Variants in SLIT3 observed in about 807,000 individuals in gnomAD.
SLIT3 encodes the protein slit guidance ligand 3, also known as slit homolog 3 protein.
Under a neutral mutation model 184.0 loss-of-function variants are expected in SLIT3, and 68 were observed. The ratio of observed to expected loss-of-function variants is 0.37; its 90% confidence interval spans 0.30 to 0.45. The LOEUF (loss-of-function observed/expected upper bound fraction) is 0.45, where lower values mean the gene tolerates loss of function less well. Ranked by LOEUF, SLIT3 falls within the 20% of genes least tolerant of loss-of-function variation. The pLI, the probability that SLIT3 is intolerant of heterozygous loss-of-function variation, is 1.00. For missense variants in SLIT3, 1,707 were observed against 2,026.0 expected, an observed-to-expected ratio of 0.84 and a Z score of 3.02; for synonymous variants, 831 against 828.6, an observed-to-expected ratio of 1.00 and a Z score of -0.05.
In SLIT3 at chr5:169,290,986, G is replaced by A. The variant is rs563232330; in HGVS notation, c.197+9527C>T. 3.3e-5 allele frequency among the ~76,000 whole-genome samples: 5 copies of A among 152,314 alleles called. No homozygotes were observed. In the East Asian group the frequency reaches 7.7e-4, roughly 23 times the overall value. ...AGAGGTAGACAAGGTGGGTGGTTAAGTGTGCTGGCAGACTTTCAGGAGCCA... is the reference window on the plus strand; with the variant it reads ...AGAGGTAGACAAGGTGGGTGGTTAAATGTGCTGGCAGACTTTCAGGAGCCA... On this transcript the variant is annotated intron_variant, in intron 1 of 35. Coordinates refer to ENST00000519560, the MANE Select transcript of SLIT3 (RefSeq NM_003062.4).
At chr5:169,179,442 C>T (rs755694327) in intron 4 of SLIT3, among the ~76,000 whole-genome samples, 1 of 152,114 alleles carries the variant, frequency 6.6e-6, no homozygotes. Context: ...GAAGCCAACA[C>T]AGCTTATCTT....
intron 4 of SLIT3, among the ~76,000 whole-genome samples, chr5:169,177,013 A>G (rs1763007698): frequency 6.6e-6 from 1 of 152,242 alleles, no homozygotes; most frequent in Admixed American, 6.5e-5. Context: ...TTTGTTTCAC[A>G]TAATTCTGTC....
chr5:168,970,053 C>T (rs1218019404), intron 4 of SLIT3, among the ~76,000 whole-genome samples: 2 of 152,116 alleles, frequency 1.3e-5, no homozygotes, highest in Admixed American at 6.6e-5. Flanking sequence ...TGGTGGCAGG[C>T]GCCTGTAGTC....
chr5:168,915,909 T>C (rs933973343), intron 4 of SLIT3, among the ~76,000 whole-genome samples: 1 of 152,232 alleles, frequency 6.6e-6, no homozygotes, highest in African/African-American at 2.4e-5. Flanking sequence ...GGACTGTATA[T>C]GGGATGACAC....
intron 10 of SLIT3, among the ~76,000 whole-genome samples, chr5:168,793,810 G>GA (rs907218019): frequency 9.0e-5 from 13 of 145,142 alleles, no homozygotes; most frequent in African/African-American, 3.4e-4. Context: ...TGGGGGGGGG[G>GA]ATGCATGGAG....
chr5:168,838,456 G>A (rs1411696731), intron 6 of SLIT3, among the ~76,000 whole-genome samples: 1 of 152,126 alleles, frequency 6.6e-6, no homozygotes, highest in African/African-American at 2.4e-5. Context: ...ACTCTAACAA[G>A]ATAATATAAT....
chr5:168,971,980 CA>C (rs1386213443), intron 4 of SLIT3, among the ~76,000 whole-genome samples: 2 of 152,242 alleles, frequency 1.3e-5, no homozygotes, highest in Non-Finnish European at 2.9e-5. Flanking sequence ...AGATAAACTG[CA>C]AAAAATAATT....
At chr5:168,861,908 T>C (rs1368079049) in intron 5 of SLIT3, among the ~76,000 whole-genome samples, 2 of 152,168 alleles carry the variant, frequency 1.3e-5, no homozygotes, top group African/African-American at 2.4e-5. Context: ...CCTTGGTGTA[T>C]TGGTGTGCAG....
intron 4 of SLIT3, among the ~76,000 whole-genome samples, chr5:169,175,908 C>T: frequency 6.6e-6 from 1 of 152,194 alleles, no homozygotes; most frequent in East Asian, 1.9e-4. Context: ...CTGGTGACTT[C>T]CACGTCCCCC....
intron 5 of SLIT3, among the ~76,000 whole-genome samples, chr5:168,873,853 T>C (rs1029352858): frequency 1.3e-5 from 2 of 152,016 alleles, no homozygotes; most frequent in African/African-American, 2.4e-5. Flanking sequence ...TTAATCACTA[T>C]ACTCACTTGG....
At chr5:168,856,773 G>A (rs188086423) in intron 5 of SLIT3, among the ~76,000 whole-genome samples, 1 of 133,542 alleles carries the variant, frequency 7.5e-6, no homozygotes, top group African/African-American at 3.2e-5. Flanking sequence ...CCTCGTGTGT[G>A]TGTGTGTGTG....
At chr5:168,876,359 A>C (rs920199769) in intron 5 of SLIT3, among the ~76,000 whole-genome samples, 1 of 151,696 alleles carries the variant, frequency 6.6e-6, no homozygotes, top group Non-Finnish European at 1.5e-5. Context: ...TGATCATGCC[A>C]CTCCCCTATT....
At chr5:168,890,597 C>A (rs1760418463) in intron 4 of SLIT3, among the ~76,000 whole-genome samples, 1 of 152,010 alleles carries the variant, frequency 6.6e-6, no homozygotes, top group Non-Finnish European at 1.5e-5. Context: ...TCATTTATGT[C>A]TTTATCTTTG....
At chr5:168,744,298 C>T (rs961523419) in intron 20 of SLIT3, among the ~76,000 whole-genome samples, 11 of 152,050 alleles carry the variant, frequency 7.2e-5, no homozygotes, top group South Asian at 2.1e-4. Flanking sequence ...CAAAACAAAA[C>T]GAAACAAAAC....
intron 29 of SLIT3, among the ~76,000 whole-genome samples, chr5:168,689,512 C>T (rs2113240891): frequency 1.3e-5 from 2 of 152,320 alleles, no homozygotes; most frequent in South Asian, 4.2e-4. Flanking sequence ...TATGCCACCT[C>T]AGTGAGCCTC....
Position 168,912,273 on chromosome 5 carries a change from TTGAC to T in SLIT3, c.414-28941_414-28938del, listed in dbSNP as rs577350133. On this transcript the variant is annotated intron_variant, in intron 4 of 35. Coordinates refer to ENST00000519560, the MANE Select transcript of SLIT3 (RefSeq NM_003062.4). ...ATACAACAAACAAAATATGTGTTAA[TTGAC>T]TGTTTATGTTATTGGTAAGAGCCTA... is the stretch of plus-strand genomic sequence containing the variant. Among the ~76,000 whole-genome samples, 32 of 152,370 alleles carry T rather than the reference TTGAC, an allele frequency of 2.1e-4. No homozygotes were observed. The South Asian group carries it at 3.7e-3, about 18-fold the overall frequency.
At chr5:168,961,737 A>G (rs551993878) in intron 4 of SLIT3, among the ~76,000 whole-genome samples, 18 of 152,262 alleles carry the variant, frequency 1.2e-4, no homozygotes, top group African/African-American at 4.3e-4. Flanking sequence ...AGAAAAGGGT[A>G]AGAGGAGTCT....
At chr5:168,786,126 G>A (rs1234676484) in intron 11 of SLIT3, 148 bp from the exon 12 acceptor site, 12 of 616,580 alleles carry the variant, frequency 1.9e-5, no homozygotes, top group Admixed American at 8.5e-5. Flanking sequence ...TCTCATCAGC[G>A]AGACAGAGGC....
At chr5:169,233,868 G>A (rs185504243) in intron 3 of SLIT3, among the ~76,000 whole-genome samples, 65 of 151,896 alleles carry the variant, frequency 4.3e-4, no homozygotes, top group Non-Finnish European at 7.1e-4. Flanking sequence ...TTCCAATACA[G>A]TGTTTAATAG....
Sources: allele counts gnomAD v4.1 joint callset (sites outside exome capture counted in the v4.1 genomes callset), GRCh38; gene constraint gnomAD v4.1.1; transcripts MANE v1.5; gene names NCBI Gene and HGNC (gene_info 2026-07-23, HGNC 2026-07-21).